PRDM4: variants seen among roughly 807,000 people sequenced by gnomAD.
PRDM4 encodes PR domain zinc finger protein 4.
In PRDM4, 38 loss-of-function variants were observed where a neutral mutation model predicts 62.3. The observed-to-expected ratio is 0.61, with a 90% CI of 0.47 to 0.80. The LOEUF (loss-of-function observed/expected upper bound fraction) is 0.80. Among genes scored for constraint, PRDM4 ranks in the 30% least tolerant of loss-of-function variants. PRDM4 has a pLI of 0.00. For missense variants in PRDM4, 858 were observed against 997.1 expected, an observed-to-expected ratio of 0.86 and a Z score of 1.88; for synonymous variants, 339 against 348.2, an observed-to-expected ratio of 0.97 and a Z score of 0.30.
intron 8 of PRDM4, among the ~76,000 whole-genome samples, chr12:107,742,755 G>C (rs568554060): frequency 4.2e-5 from 6 of 141,694 alleles, no homozygotes; most frequent in Admixed American, 7.7e-5. Context: ...TTGTTCCTTG[G>C]TAAGTGCCTT....
At chr12:107,742,076 C>G in intron 9 of PRDM4, 145 bp downstream of exon 9, 1 of 887,242 alleles carries the variant, frequency 1.1e-6, no homozygotes, top group Non-Finnish European at 1.6e-6. Context: ...GATTTTAACA[C>G]CTCAAATACA....
rs1257021514 is a variant in PRDM4, at chr12:107,752,225, G to T, written c.332-16C>A. 2.6e-6 allele frequency: 4 copies of T among 1,529,926 alleles called. No homozygotes were observed. The highest frequency in any genetic ancestry group is 3.6e-6 in the Non-Finnish European group (4 of 1,105,210). The allele number at this position is 1,529,926 out of a possible 1,614,324, so 94.8% of individuals were successfully genotyped here. On this transcript the variant is annotated splice_polypyrimidine_tract_variant and intron_variant, in intron 4 of 11. Transcript: ENST00000228437. ...GATAAAATGCCTGAGAAAAGGAAAA[G>T]ATGAGATATCAGAGACTTTTAGTAC...
intron 3 of PRDM4, among the ~76,000 whole-genome samples, chr12:107,755,437 T>C (rs534862854): frequency 5.3e-5 from 8 of 152,034 alleles, no homozygotes; most frequent in Non-Finnish European, 1.2e-4. Flanking sequence ...TTAACAAGAG[T>C]GTCCACTAAA....
chr12:107,760,127 T>C (rs1337954875), intron 2 of PRDM4, among the ~76,000 whole-genome samples: 1 of 152,210 alleles, frequency 6.6e-6, no homozygotes, highest in Non-Finnish European at 1.5e-5. Context: ...AGCATGAAGC[T>C]TGCAGAATTA....
At chr12:107,752,250 C>G in intron 4 of PRDM4, 41 bp from the exon 5 acceptor site, 1 of 1,436,180 alleles carries the variant, frequency 7.0e-7, no homozygotes, top group South Asian at 1.2e-5. Context: ...ACTTTTAGTA[C>G]ATTATTAAAG....
Position 107,733,209 on chromosome 12 carries a change from G to A in PRDM4, c.*1001C>T, listed in dbSNP as rs2136302797. ...GCATCTTCCATGCTTCTCTGATGAG[G>A]TTCCTCAGCACTGAGACAACTGGGA... On this transcript the variant is annotated 3_prime_UTR_variant, in exon 12 of 12. Transcript: ENST00000228437. 1 of 152,338 alleles carries A rather than the reference G, an allele frequency of 6.6e-6. No homozygotes were observed. The highest frequency in any genetic ancestry group is 2.1e-4 in the South Asian group (1 of 4,830). 9.4% of individuals were successfully genotyped at this position (152,338 alleles called of 1,614,324 possible).
At chr12:107,738,878 AACACACACACACACACACAC>A (rs111582421) in intron 11 of PRDM4, among the ~76,000 whole-genome samples, 9 of 146,904 alleles carry the variant, frequency 6.1e-5, no homozygotes, top group South Asian at 2.2e-4. Context: ...AATTCAGACA[AACACACACACACACACACAC>A]ACACACACAC....
At chr12:107,757,102 T>C (rs1263112745) in intron 2 of PRDM4, 137 bp from the exon 3 acceptor site, 3 of 777,970 alleles carry the variant, frequency 3.9e-6, no homozygotes, top group Non-Finnish European at 6.1e-6. Context: ...CGCTCAACAA[T>C]TCTCTTAGAT....
intron 5 of PRDM4, among the ~76,000 whole-genome samples, chr12:107,746,767 A>G (rs1593168990): frequency 2.0e-5 from 3 of 152,100 alleles, no homozygotes; most frequent in East Asian, 3.9e-4. Context: ...TTACAGGTGT[A>G]AGCCACCATG....
chr12:107,739,133 G>A (rs1211527917), intron 11 of PRDM4: 2 of 393,930 alleles, frequency 5.1e-6, no homozygotes, highest in African/African-American at 4.1e-5. Context: ...CTAGGTTTTT[G>A]TAGATGTGAA....
At chr12:107,758,578 T>G (rs1891134370) in intron 2 of PRDM4, among the ~76,000 whole-genome samples, 2 of 152,160 alleles carry the variant, frequency 1.3e-5, no homozygotes, top group Admixed American at 6.5e-5. Context: ...GGATTTAAAT[T>G]CAGAACTAAT....
rs1593175070 is a variant in PRDM4 at position 107,753,865 on chromosome 12, A to T, written c.331+59T>A. ...AGTGTTATTCATATCTTCAGGATAAAAGTTTAAAAGCTGGCGCCGTTCTTT... is the reference window on the plus strand; with the variant it reads ...AGTGTTATTCATATCTTCAGGATAATAGTTTAAAAGCTGGCGCCGTTCTTT... On this transcript the variant is annotated intron_variant, in intron 4 of 11. Coordinates refer to ENST00000228437, the MANE Select transcript of PRDM4 (RefSeq NM_012406.4). 2.0e-6 allele frequency: 3 copies of T among 1,490,062 alleles called. No homozygotes were observed. In the East Asian group the frequency reaches 6.8e-5, roughly 34 times the overall value. The allele number at this position is 1,490,062 out of a possible 1,614,324, so 92.3% of individuals were successfully genotyped here.
chr12:107,734,249 A>G lies in PRDM4; in HGVS notation c.2367T>C (p.Ala789=). ...VGTEDCRINS[A]VYSADESLSA... The stretch of plus-strand genomic sequence containing the variant: ...AAAGAGACTCATCCGCTGAATACAC[A>G]GCACTGTTAATCCTACAGTCTTCTG... Residue 789 remains alanine (A), a synonymous_variant, in exon 12 of 12, where the codon GCT becomes GCC. Transcript: ENST00000228437. The G allele has an allele frequency of 1.2e-6, 2 of 1,614,078 alleles. No homozygotes were observed. Among genetic ancestry groups the G allele is most frequent in the Non-Finnish European group, 1.7e-6 (2 of 1,179,972 alleles).
rs1343692545 is a variant in PRDM4 at position 107,736,863 on chromosome 12, A to C, written c.2094-2341T>G. 1.4e-4 allele frequency: 22 copies of C among 152,316 alleles called. 1 individual carries two copies. Among genetic ancestry groups the C allele is most frequent in the Admixed American group, 1.4e-3 (22 of 15,292 alleles). The allele number at this position is 152,316 out of a possible 1,614,324, so 9.4% of individuals were successfully genotyped here. Reference sequence around the variant, plus strand: ...GAAAAACTGAGTTGAGAATTACTTCAAGGTGTTTGGCTTGACCATTGAGGT... The same window carrying C: ...GAAAAACTGAGTTGAGAATTACTTCCAGGTGTTTGGCTTGACCATTGAGGT... On this transcript the variant is annotated intron_variant, in intron 11 of 11. Coordinates refer to ENST00000228437, the MANE Select transcript of PRDM4 (RefSeq NM_012406.4).
Position 107,753,774 on chromosome 12 carries a change from C to T in PRDM4, c.331+150G>A, listed in dbSNP as rs979059239. On this transcript the variant is annotated intron_variant, in intron 4 of 11. Coordinates refer to ENST00000228437, the MANE Select transcript of PRDM4 (RefSeq NM_012406.4). ...GTGCCACATTCTAAGAGGAAAAGTA[C>T]ATAAATATAAACAAAGATACTTTTC... 6.9e-6 allele frequency: 5 copies of T among 723,164 alleles called. No individual in the cohort carries two copies. In the African/African-American group the frequency reaches 9.1e-5, roughly 13 times the overall value. The allele number at this position is 723,164 out of a possible 1,614,324, so 44.8% of individuals were successfully genotyped here. A position where few individuals can be genotyped will look rare whatever the true frequency, so the allele number is the denominator to read the frequency against.
chr12:107,743,737 T>G (rs184363518), intron 7 of PRDM4, among the ~76,000 whole-genome samples: 1 of 152,306 alleles, frequency 6.6e-6, no homozygotes, highest in East Asian at 1.9e-4. Flanking sequence ...ACAAGACCCA[T>G]TTTCTCCTTA....
intron 5 of PRDM4, among the ~76,000 whole-genome samples, chr12:107,749,934 T>A (rs1015453040): frequency 6.6e-6 from 1 of 152,312 alleles, no homozygotes; most frequent in South Asian, 2.1e-4. Flanking sequence ...CTTTTGGTTC[T>A]AGGCACTTAC....
intron 9 of PRDM4, among the ~76,000 whole-genome samples, chr12:107,741,834 A>G (rs868117560): frequency 6.6e-6 from 1 of 152,214 alleles, no homozygotes; most frequent in African/African-American, 2.4e-5. Flanking sequence ...TAGCATACCC[A>G]AACTCTTAAA....
rs761310793 is a variant in PRDM4, at chr12:107,746,224, C to A, written c.1276+51G>T. The A allele has an allele frequency of 1.9e-6, 3 of 1,594,094 alleles. No homozygotes were observed. In the South Asian group the frequency reaches 3.4e-5, roughly 18 times the overall value. ...ACACATCCACTTTTACAACTCTACG[C>A]TACAAAGGAAGAAGAGATGTAATAG... On this transcript the variant is annotated intron_variant, in intron 6 of 11. Transcript: ENST00000228437.
Sources: gnomAD v4.1 joint callset for allele counts (sites outside exome capture counted in the v4.1 genomes callset) on GRCh38, gnomAD v4.1.1 for gene constraint, MANE v1.5 for transcripts, NCBI Gene and HGNC (gene_info 2026-07-23, HGNC 2026-07-21) for gene names.